The following COL25A1 variants were observed in gnomAD, a reference collection of about 807,000 sequenced individuals.
COL25A1 encodes collagen type XXV alpha 1 chain, also known as collagen alpha-1(XXV) chain.
A neutral mutation model predicts 128.4 loss-of-function variants in COL25A1; 103 were observed. That is an observed-to-expected ratio of 0.80 (90% CI 0.68 to 0.94). The LOEUF (loss-of-function observed/expected upper bound fraction) is 0.94. Among genes scored for constraint, COL25A1 ranks in the 40% least tolerant of loss-of-function variants. COL25A1 has a pLI of 0.00. For missense variants in COL25A1, 745 were observed against 840.0 expected (o/e 0.89, Z 1.40); for synonymous variants, 279 against 277.2 (o/e 1.01, Z -0.06).
At chr4:108,963,528 T>G (rs997608522) in intron 8 of COL25A1, among the ~76,000 whole-genome samples, 2 of 152,154 alleles carry the variant, frequency 1.3e-5, no homozygotes, top group African/African-American at 4.8e-5. Flanking sequence ...ACCTTCACAT[T>G]TTAGCATATG....
chr4:109,011,324 C>T (rs1756567897), intron 5 of COL25A1, among the ~76,000 whole-genome samples: 1 of 152,176 alleles, frequency 6.6e-6, no homozygotes. Flanking sequence ...AACTGTCTCT[C>T]TTAGCCTCTC....
intron 6 of COL25A1, among the ~76,000 whole-genome samples, chr4:108,979,570 A>C (rs1340018412): frequency 6.6e-6 from 1 of 152,212 alleles, no homozygotes; most frequent in African/African-American, 2.4e-5. Context: ...GGTAGAAAAA[A>C]GTGGAAAAGG....
chr4:108,848,390 G>A (rs540897401), intron 27 of COL25A1, among the ~76,000 whole-genome samples: 1 of 152,230 alleles, frequency 6.6e-6, no homozygotes, highest in Admixed American at 6.5e-5. Flanking sequence ...AAGGCATATA[G>A]GCAAGATTTA....
At chr4:109,284,623 C>A (rs1723698599) in intron 3 of COL25A1, among the ~76,000 whole-genome samples, 1 of 152,110 alleles carries the variant, frequency 6.6e-6, no homozygotes, top group African/African-American at 2.4e-5. Flanking sequence ...CTTTCTCACG[C>A]TTAGGCATTT....
At chr4:109,124,481 A>C (rs558131880) in intron 3 of COL25A1, among the ~76,000 whole-genome samples, 1 of 152,144 alleles carries the variant, frequency 6.6e-6, no homozygotes, top group African/African-American at 2.4e-5. Flanking sequence ...TTATTTTTCT[A>C]GTCTAACTAC....
chr4:108,812,411 C>T lies in COL25A1; in HGVS notation c.*1516G>A, dbSNP rs1396549265. 4 of 152,082 alleles carry T rather than the reference C, an allele frequency of 2.6e-5. No homozygotes were observed. The highest frequency in any genetic ancestry group is 4.8e-5 in the African/African-American group (2 of 41,430). The allele number at this position is 152,082 out of a possible 1,614,324, so 9.4% of individuals were successfully genotyped here. On this transcript the variant is annotated 3_prime_UTR_variant, in exon 38 of 38. Coordinates refer to ENST00000399132, the MANE Select transcript of COL25A1 (RefSeq NM_198721.4). Reference sequence around the variant, plus strand: ...TATATTAACTGATAATCTCCATGTACGTTACATTCATCATGTAAAAAAAGT... The same window carrying T: ...TATATTAACTGATAATCTCCATGTATGTTACATTCATCATGTAAAAAAAGT...
intron 17 of COL25A1, 140 bp downstream of exon 17, chr4:108,889,560 GT>G (rs1411467992): frequency 6.8e-6 from 5 of 738,090 alleles, no homozygotes; most frequent in African/African-American, 5.3e-5. Flanking sequence ...ATTCCCTATT[GT>G]TTTTGGAAGC....
Position 109,208,496 on chromosome 4 carries a change from A to AT in COL25A1, c.367+92086_367+92087insA, listed in dbSNP as rs201007766. 7.7e-3 allele frequency among the ~76,000 whole-genome samples: 1,163 copies of AT among 151,980 alleles called. 56 individuals carry two copies. In the South Asian group the frequency reaches 0.14, roughly 18 times the overall value. ...GATATCAGTTAATAAAAAAAAAAAA[A>AT]ACAAATTATTAAATCTCATTCAGAT... On this transcript the variant is annotated intron_variant, in intron 3 of 37. Transcript: ENST00000399132.
intron 5 of COL25A1, among the ~76,000 whole-genome samples, chr4:109,042,981 A>G (rs533365136): frequency 1.3e-5 from 2 of 152,130 alleles, no homozygotes; most frequent in African/African-American, 4.8e-5. Flanking sequence ...GTATCACTTA[A>G]AACTTACTTG....
chr4:109,129,206 C>T (rs1376663496), intron 3 of COL25A1, among the ~76,000 whole-genome samples: 1 of 151,862 alleles, frequency 6.6e-6, no homozygotes, highest in Non-Finnish European at 1.5e-5. Context: ...CTTGGCTCAC[C>T]GTAACCTCCA....
At chr4:108,823,862 A>C in intron 35 of COL25A1, 1 of 1,319,056 alleles carries the variant, frequency 7.6e-7, no homozygotes, top group Non-Finnish European at 9.7e-7. Flanking sequence ...ATTTAATTTT[A>C]CTTTTTAAAA....
At chr4:109,044,377 A>AT (rs749749622) in intron 5 of COL25A1, among the ~76,000 whole-genome samples, 1 of 152,122 alleles carries the variant, frequency 6.6e-6, no homozygotes, top group Non-Finnish European at 1.5e-5. Flanking sequence ...GCTAAATTAA[A>AT]TTTTATCATT....
chr4:108,919,371 T>C (rs1316037052), intron 12 of COL25A1, among the ~76,000 whole-genome samples: 1 of 152,160 alleles, frequency 6.6e-6, no homozygotes, highest in Non-Finnish European at 1.5e-5. Context: ...AGCTTTACAA[T>C]TTCACACCAT....
At position 109,010,706 on chromosome 4, in the gene COL25A1, A is replaced by G. The variant is rs114165695; in HGVS notation, c.421-331T>C. 3.6e-3 allele frequency among the ~76,000 whole-genome samples: 550 copies of G among 152,324 alleles called. 5 individuals carry two copies. The highest frequency in any genetic ancestry group is 0.011 in the African/African-American group (437 of 41,574). ...ACTGTGATGAAGGGGTTACTTAAAG[A>G]AAGAGTCTTGCAGCATAGGCTGTGA... On this transcript the variant is annotated intron_variant, in intron 5 of 37. Coordinates refer to ENST00000399132, the MANE Select transcript of COL25A1 (RefSeq NM_198721.4).
intron 3 of COL25A1, among the ~76,000 whole-genome samples, chr4:109,246,330 C>T (rs2126237100): frequency 6.6e-6 from 1 of 152,174 alleles, no homozygotes; most frequent in East Asian, 1.9e-4. Context: ...ACTACTAGTT[C>T]TAGCAGTAAA....
In COL25A1 at chr4:108,934,064, G is replaced by C. The variant is rs376000869; in HGVS notation, c.708+3744C>G. Among the ~76,000 whole-genome samples, 149 of 152,186 alleles carry C rather than the reference G, an allele frequency of 9.8e-4. 3 individuals carry two copies. The South Asian group carries it at 0.03, about 31-fold the overall frequency. On this transcript the variant is annotated intron_variant, in intron 11 of 37. Coordinates refer to ENST00000399132, the MANE Select transcript of COL25A1 (RefSeq NM_198721.4). ...ATTTATTGCGGTACTATTCACAATA[G>C]CAAAGACTTGGAGCCAACCCAAATA...
intron 11 of COL25A1, among the ~76,000 whole-genome samples, chr4:108,925,619 A>G (rs1361899962): frequency 6.6e-6 from 1 of 152,220 alleles, no homozygotes; most frequent in Non-Finnish European, 1.5e-5. Flanking sequence ...TTTGAGTAGG[A>G]TAAAATTTAC....
At chr4:109,179,535 T>G (rs1774431760) in intron 3 of COL25A1, among the ~76,000 whole-genome samples, 1 of 152,268 alleles carries the variant, frequency 6.6e-6, no homozygotes, top group South Asian at 2.1e-4. Flanking sequence ...GTAATTCCCA[T>G]GTGAATATAC....
At chr4:109,074,351 G>A (rs972608774) in intron 3 of COL25A1, among the ~76,000 whole-genome samples, 1 of 152,130 alleles carries the variant, frequency 6.6e-6, no homozygotes, top group African/African-American at 2.4e-5. Flanking sequence ...GACTAGTTGA[G>A]AAATAAATCA....
Sources: allele counts gnomAD v4.1 joint callset (sites outside exome capture counted in the v4.1 genomes callset), GRCh38; gene constraint gnomAD v4.1.1; transcripts MANE v1.5; gene names NCBI Gene and HGNC (gene_info 2026-07-23, HGNC 2026-07-21).